The following LDLRAD4 variants were observed in gnomAD, a reference collection of about 807,000 sequenced individuals.
LDLRAD4 encodes the protein low-density lipoprotein receptor class A domain-containing protein 4.
Under a neutral mutation model 17.0 loss-of-function variants are expected in LDLRAD4, and 5 were observed. The observed-to-expected ratio is 0.29, with a 90% CI of 0.15 to 0.62. The LOEUF (loss-of-function observed/expected upper bound fraction) is 0.62. LDLRAD4 is among the 20% of genes least tolerant of loss of function. The pLI is 0.84. For missense variants in LDLRAD4, 340 were observed against 424.7 expected, an observed-to-expected ratio of 0.80 and a Z score of 1.75; for synonymous variants, 168 against 171.8, an observed-to-expected ratio of 0.98 and a Z score of 0.17.
intron 3 of LDLRAD4, among the ~76,000 whole-genome samples, chr18:13,546,369 C>T (rs1277668071): frequency 8.3e-6 from 1 of 120,130 alleles, no homozygotes; most frequent in Non-Finnish European, 1.7e-5. Flanking sequence ...CTCCCCTCCC[C>T]CCTCCCCTCT....
At chr18:13,273,794 C>T (rs1191889106), upstream of LDLRAD4, among the ~76,000 whole-genome samples, 1 of 152,196 alleles carries the variant, frequency 6.6e-6, no homozygotes, top group Non-Finnish European at 1.5e-5. Flanking sequence ...GGTTTTCCAT[C>T]CTCCAGCCCC....
intron 3 of LDLRAD4, among the ~76,000 whole-genome samples, chr18:13,492,767 C>A (rs926647433): frequency 2.0e-5 from 3 of 152,180 alleles, no homozygotes; most frequent in Non-Finnish European, 4.4e-5. Context: ...GCCATACCCC[C>A]CTTCCTCATT....
At chr18:13,477,191 A>T (rs2092962076) in intron 3 of LDLRAD4, among the ~76,000 whole-genome samples, 1 of 152,112 alleles carries the variant, frequency 6.6e-6, no homozygotes, top group Non-Finnish European at 1.5e-5. Flanking sequence ...GCCTCACTTT[A>T]TCTTCTAGCA....
At chr18:13,342,373 T>C (rs547539002) in intron 1 of LDLRAD4, among the ~76,000 whole-genome samples, 8 of 151,920 alleles carry the variant, frequency 5.3e-5, no homozygotes, top group Non-Finnish European at 1.2e-4. Flanking sequence ...TGGTTTTTCT[T>C]TCATAGGAGG....
chr18:13,477,524 A>T (rs949271220), intron 3 of LDLRAD4, among the ~76,000 whole-genome samples: 1 of 152,242 alleles, frequency 6.6e-6, no homozygotes, highest in African/African-American at 2.4e-5. Context: ...GACTCTGTGC[A>T]GGCAGCATGG....
At chr18:13,449,086 G>T (rs1020014678) in intron 3 of LDLRAD4, among the ~76,000 whole-genome samples, 2 of 152,228 alleles carry the variant, frequency 1.3e-5, no homozygotes, top group Middle Eastern at 3.2e-3. Context: ...AAAGAAAACA[G>T]AGATCAAAGA....
chr18:13,363,201 G>A (rs2083799191), intron 1 of LDLRAD4, among the ~76,000 whole-genome samples: 1 of 152,102 alleles, frequency 6.6e-6, no homozygotes, highest in Non-Finnish European at 1.5e-5. Flanking sequence ...GCGTGGTGGT[G>A]GGTGCCTGTA....
intron 1 of LDLRAD4, among the ~76,000 whole-genome samples, chr18:13,311,174 A>G (rs976542474): frequency 1.3e-5 from 2 of 152,240 alleles, no homozygotes; most frequent in Non-Finnish European, 2.9e-5. Flanking sequence ...ATGAGAGCTT[A>G]CTGGGTGCTT....
At chr18:13,265,437 C>T (rs1034282982) in intron 1 of LDLRAD4, among the ~76,000 whole-genome samples, 2 of 152,214 alleles carry the variant, frequency 1.3e-5, no homozygotes, top group Admixed American at 1.3e-4. Flanking sequence ...ACTGTGCTGC[C>T]TGGAGCATGG....
intron 3 of LDLRAD4, among the ~76,000 whole-genome samples, chr18:13,539,320 A>G (rs1162486764): frequency 5.9e-5 from 9 of 152,218 alleles, no homozygotes; most frequent in Admixed American, 3.3e-4. Context: ...AGCTGAAGGA[A>G]GAGGTTATTC....
intron 1 of LDLRAD4, among the ~76,000 whole-genome samples, chr18:13,308,365 A>G (rs2047035640): frequency 6.6e-6 from 1 of 152,208 alleles, no homozygotes; most frequent in Non-Finnish European, 1.5e-5. Flanking sequence ...ACAATGAATA[A>G]TATATTTTAT....
At position 13,383,034 on chromosome 18, in the gene LDLRAD4, C is replaced by T. The variant is rs550815332; in HGVS notation, c.-382-4307C>T. On this transcript the variant is annotated intron_variant, in intron 1 of 5. Coordinates refer to ENST00000359446, the Ensembl canonical transcript of LDLRAD4. ...TCACCACTTGTAATCATCATCTCAA[C>T]TCTTCTAGTGGGGTGGTGGGAAAAC... Among the ~76,000 whole-genome samples, 20 of 152,366 alleles carry T rather than the reference C, an allele frequency of 1.3e-4. No individual in the cohort carries two copies. In the South Asian group the frequency reaches 3.3e-3, roughly 25 times the overall value.
intron 3 of LDLRAD4, among the ~76,000 whole-genome samples, chr18:13,554,569 A>G (rs2094465711): frequency 3.3e-5 from 5 of 152,170 alleles, no homozygotes; most frequent in Admixed American, 2.0e-4. Flanking sequence ...GAATACCTAC[A>G]CACCTAAGAC....
chr18:13,610,612 G>C (rs1462257559), intron 3 of LDLRAD4, among the ~76,000 whole-genome samples: 2 of 152,092 alleles, frequency 1.3e-5, no homozygotes, highest in African/African-American at 2.4e-5. Context: ...TTAAGAAACA[G>C]ACAGGTACAG....
At chr18:13,519,731 C>G (rs1312360200) in intron 3 of LDLRAD4, 1 of 152,158 alleles carries the variant, frequency 6.6e-6, no homozygotes, top group East Asian at 1.9e-4. Context: ...CACCACTGCA[C>G]TTCCAGCCTG....
chr18:13,340,386 G>GC (rs912056214), intron 1 of LDLRAD4, among the ~76,000 whole-genome samples: 2 of 152,090 alleles, frequency 1.3e-5, no homozygotes, highest in African/African-American at 4.8e-5. Flanking sequence ...ATTCCTACTA[G>GC]CAATGCACGG....
chr18:13,532,319 A>T (rs62084760), intron 3 of LDLRAD4, among the ~76,000 whole-genome samples: 14,271 of 152,254 alleles, frequency 0.094, 1,316 homozygotes, highest in African/African-American at 0.24. Context: ...TACATTCAAG[A>T]TTGCGGCTGA....
chr18:13,295,564 A>G (rs952690312), intron 1 of LDLRAD4, among the ~76,000 whole-genome samples: 1 of 152,368 alleles, frequency 6.6e-6, no homozygotes, highest in Admixed American at 6.5e-5. Flanking sequence ...AAATCTGTAG[A>G]AGAAGCAGAA....
intron 3 of LDLRAD4, among the ~76,000 whole-genome samples, chr18:13,608,294 C>T (rs1187313958): frequency 6.6e-6 from 1 of 151,620 alleles, no homozygotes; most frequent in Non-Finnish European, 1.5e-5. Context: ...GCGAGAATTT[C>T]TGTTGTGAGT....
Sources: allele counts gnomAD v4.1 joint callset (sites outside exome capture counted in the v4.1 genomes callset), GRCh38; gene constraint gnomAD v4.1.1; transcripts MANE v1.5; gene names NCBI Gene and HGNC (gene_info 2026-07-23, HGNC 2026-07-21).